Variants in GRID1 observed in about 807,000 individuals in gnomAD.
GRID1 encodes glutamate ionotropic receptor delta type subunit 1.
Under a neutral mutation model 98.0 loss-of-function variants are expected in GRID1, and 28 were observed. The observed-to-expected ratio is 0.29, with a 90% CI of 0.21 to 0.39. The LOEUF is 0.39. Ranked by LOEUF, GRID1 falls within the 10% of genes least tolerant of loss-of-function variation. GRID1 has a pLI of 1.00. For missense variants in GRID1, 1,111 were observed against 1,340.5 expected, an observed-to-expected ratio of 0.83 and a Z score of 2.67; for synonymous variants, 553 against 538.5, an observed-to-expected ratio of 1.03 and a Z score of -0.37.
intron 2 of GRID1, among the ~76,000 whole-genome samples, chr10:86,237,691 C>T (rs1444232115): frequency 2.7e-5 from 4 of 148,784 alleles, no homozygotes; most frequent in African/African-American, 1.0e-4. Flanking sequence ...CAGAGCGAGA[C>T]TCTGTCTCAA....
At chr10:86,104,177 G>A (rs1844344281) in intron 4 of GRID1, among the ~76,000 whole-genome samples, 1 of 152,154 alleles carries the variant, frequency 6.6e-6, no homozygotes, top group African/African-American at 2.4e-5. Context: ...TACGGACCAG[G>A]GTTCAAATCC....
At chr10:86,084,831 TCA>T (rs1414709512) in intron 4 of GRID1, among the ~76,000 whole-genome samples, 6 of 151,984 alleles carry the variant, frequency 3.9e-5, no homozygotes, top group Non-Finnish European at 8.8e-5. Context: ...GCAGTCAAAT[TCA>T]CAGAGACAGA....
At chr10:86,169,487 AC>A (rs906101824) in intron 3 of GRID1, among the ~76,000 whole-genome samples, 2 of 152,154 alleles carry the variant, frequency 1.3e-5, no homozygotes, top group African/African-American at 4.8e-5. Flanking sequence ...GCACAGGGGT[AC>A]CCACATGTGC....
At chr10:85,963,540 C>T (rs1007124925) in intron 4 of GRID1, among the ~76,000 whole-genome samples, 3 of 152,306 alleles carry the variant, frequency 2.0e-5, no homozygotes, top group East Asian at 1.9e-4. Flanking sequence ...AACCTCCTGA[C>T]ACCAGGCCCC....
Position 86,237,157 on chromosome 10 carries a change from T to C in GRID1, c.236-30509A>G, listed in dbSNP as rs534477925. Among the ~76,000 whole-genome samples, 4 of 152,284 alleles carry C rather than the reference T, an allele frequency of 2.6e-5. No homozygotes were observed. In the East Asian group the frequency reaches 5.8e-4, roughly 22 times the overall value. On this transcript the variant is annotated intron_variant, in intron 2 of 15. Transcript: ENST00000327946. The stretch of plus-strand genomic sequence containing the variant: ...CCTGGGAGGAGGTGACATTACCTCC[T>C]ATGTTAAGGGCTGAACTGTGTCTCC...
intron 5 of GRID1, among the ~76,000 whole-genome samples, chr10:85,906,598 T>A (rs1841465046): frequency 6.6e-6 from 1 of 152,156 alleles, no homozygotes; most frequent in African/African-American, 2.4e-5. Flanking sequence ...GCAGAAAGAT[T>A]TCTTTAAAAT....
At chr10:85,957,563 A>C (rs1345932139) in intron 4 of GRID1, among the ~76,000 whole-genome samples, 1 of 152,222 alleles carries the variant, frequency 6.6e-6, no homozygotes, top group Non-Finnish European at 1.5e-5. Flanking sequence ...AAATGAAATC[A>C]GAGAGCAGTA....
chr10:86,257,808 G>A (rs74426811), intron 2 of GRID1, among the ~76,000 whole-genome samples: 235 of 152,314 alleles, frequency 1.5e-3, no homozygotes, highest in South Asian at 7.5e-3. Flanking sequence ...AAGATGACAT[G>A]AGCGCCAACT....
At chr10:85,843,724 C>A (rs997316664) in intron 8 of GRID1, among the ~76,000 whole-genome samples, 1 of 151,984 alleles carries the variant, frequency 6.6e-6, no homozygotes, top group Admixed American at 6.6e-5. Flanking sequence ...CAGTGAAGTG[C>A]AAATTAAAGC....
chr10:86,179,580 G>C (rs751317640), intron 3 of GRID1, among the ~76,000 whole-genome samples: 2 of 152,128 alleles, frequency 1.3e-5, no homozygotes, highest in African/African-American at 4.8e-5. Flanking sequence ...GACAGTTTGT[G>C]GGGCCTCAAG....
intron 12 of GRID1, among the ~76,000 whole-genome samples, chr10:85,665,057 C>T (rs184129426): frequency 1.6e-4 from 24 of 152,174 alleles, no homozygotes; most frequent in African/African-American, 3.6e-4. Context: ...ATAAATGATA[C>T]GTCATTATTA....
intron 8 of GRID1, among the ~76,000 whole-genome samples, chr10:85,743,108 C>CA (rs1554828618): frequency 8.0e-6 from 1 of 125,206 alleles, no homozygotes; most frequent in African/African-American, 2.7e-5. Context: ...TTATGCAGCC[C>CA]CCCCCCCCAC....
intron 4 of GRID1, among the ~76,000 whole-genome samples, chr10:86,025,824 A>C (rs2131889745): frequency 6.6e-6 from 1 of 152,324 alleles, no homozygotes; most frequent in South Asian, 2.1e-4. Flanking sequence ...TGGGACCTGG[A>C]ATAATGCCTC....
chr10:86,260,863 T>C (rs1015209847), intron 2 of GRID1, among the ~76,000 whole-genome samples: 4 of 152,390 alleles, frequency 2.6e-5, no homozygotes, highest in African/African-American at 7.2e-5. Context: ...AGCCGGTTCC[T>C]TCACCTGTGA....
chr10:86,330,391 C>T (rs1848122319), intron 2 of GRID1, among the ~76,000 whole-genome samples: 1 of 152,202 alleles, frequency 6.6e-6, no homozygotes, highest in South Asian at 2.1e-4. Flanking sequence ...GTCCAGCAGG[C>T]TGGCAATGCC....
intron 2 of GRID1, among the ~76,000 whole-genome samples, chr10:86,337,698 CTTTTTTTTTT>C (rs57891044): frequency 0.086 from 6,325 of 73,890 alleles, 200 homozygotes; most frequent in Middle Eastern, 0.17. Flanking sequence ...CCTTTGGGAA[CTTTTTTTTTT>C]TTTTTTTTTT....
At chr10:86,102,013 G>A (rs559988653) in intron 4 of GRID1, among the ~76,000 whole-genome samples, 1 of 152,302 alleles carries the variant, frequency 6.6e-6, no homozygotes, top group South Asian at 2.1e-4. Flanking sequence ...TTCACAAAGA[G>A]CAAACCAGGA....
At chr10:85,647,007 A>G (rs1843202131) in intron 13 of GRID1, 195 bp downstream of exon 13, 2 of 620,982 alleles carry the variant, frequency 3.2e-6, no homozygotes, top group South Asian at 3.8e-5. Flanking sequence ...ACCACTCTAC[A>G]AAGTTGGAAG....
intron 8 of GRID1, among the ~76,000 whole-genome samples, chr10:85,763,520 A>G (rs906673388): frequency 1.1e-4 from 16 of 152,340 alleles, no homozygotes; most frequent in African/African-American, 3.6e-4. Flanking sequence ...TTGATTTCTC[A>G]TAACTGTGAC....
Sources: allele counts gnomAD v4.1 joint callset (sites outside exome capture counted in the v4.1 genomes callset), GRCh38; gene constraint gnomAD v4.1.1; transcripts MANE v1.5; gene names NCBI Gene and HGNC (gene_info 2026-07-23, HGNC 2026-07-21).